Variants in PDE4B observed in about 807,000 individuals in gnomAD.
PDE4B encodes the protein phosphodiesterase 4B, also known as 3',5'-cyclic-AMP phosphodiesterase 4B.
A neutral mutation model predicts 82.2 loss-of-function variants in PDE4B; 20 were observed. The ratio of observed to expected loss-of-function variants is 0.24; its 90% CI spans 0.17 to 0.35. PDE4B has a LOEUF of 0.35. Among genes scored for constraint, PDE4B ranks in the 10% least tolerant of loss-of-function variants. The pLI is 1.00. For synonymous variants in PDE4B, 320 were observed against 318.9 expected (o/e 1.00, Z -0.04); for missense variants, 655 against 907.2 (o/e 0.72, Z 3.57).
chr1:66,070,416 G>A (rs1169618933), intron 3 of PDE4B, among the ~76,000 whole-genome samples: 1 of 151,978 alleles, frequency 6.6e-6, no homozygotes, highest in Admixed American at 6.6e-5. Flanking sequence ...AATGGTAGAG[G>A]GAAAAGTAGA....
chr1:65,893,730 G>A (rs928118684), intron 1 of PDE4B, among the ~76,000 whole-genome samples: 7 of 146,982 alleles, frequency 4.8e-5, no homozygotes, highest in Admixed American at 3.5e-4. Context: ...GCAAAGATAT[G>A]GAATCAACCT....
chr1:66,365,687 G>C lies in PDE4B; in HGVS notation c.1305G>C (p.Glu435Asp). The C allele has an allele frequency of 1.9e-6, 3 of 1,607,232 alleles. No individual in the cohort carries two copies. The highest frequency in any genetic ancestry group is 2.6e-6 in the Non-Finnish European group (3 of 1,174,826). ...PALDAVFTDL[E>D]ILAAIFAAAI... Reference sequence around the variant, plus strand: ...GACAGGCTGTCTTCACAGATTTGGAGATCCTGGCTGCCATTTTTGCAGCTG... The same window carrying C: ...GACAGGCTGTCTTCACAGATTTGGACATCCTGGCTGCCATTTTTGCAGCTG... The change falls in exon 13 of 17, where the codon GAG (glutamate) becomes GAC (aspartate). Residue 435 changes from glutamate to aspartate, a missense_variant. Glu to Asp is a conservative substitution (Grantham distance 45). Around this residue, in one of 3 missense-constraint regions of PDE4B, gnomAD observed 283 missense variants for 516.4 expected, o/e 0.55. Transcript: ENST00000341517.
intron 3 of PDE4B, among the ~76,000 whole-genome samples, chr1:66,164,763 T>C (rs1646693672): frequency 7.3e-6 from 1 of 136,418 alleles, no homozygotes; most frequent in African/African-American, 2.7e-5. Context: ...TTCTTTTTTT[T>C]TTTTTTTTTT....
At chr1:66,136,149 C>G (rs1329098600) in intron 3 of PDE4B, among the ~76,000 whole-genome samples, 6 of 152,140 alleles carry the variant, frequency 3.9e-5, no homozygotes, top group African/African-American at 1.4e-4. Context: ...ACTCACCATG[C>G]AGTTCCACTT....
intron 3 of PDE4B, among the ~76,000 whole-genome samples, chr1:66,012,093 T>G (rs1652517192): frequency 6.6e-6 from 1 of 152,118 alleles, no homozygotes; most frequent in Admixed American, 6.6e-5. Context: ...CCAAGTGATG[T>G]TTTCTGAACT....
intron 1 of PDE4B, among the ~76,000 whole-genome samples, chr1:65,821,459 T>A (rs1055559011): frequency 6.6e-6 from 1 of 152,226 alleles, no homozygotes; most frequent in African/African-American, 2.4e-5. Context: ...ATAATAGCTC[T>A]TAGGGCTAGA....
intron 3 of PDE4B, among the ~76,000 whole-genome samples, chr1:65,985,784 GA>G (rs1316848058): frequency 6.6e-6 from 1 of 152,120 alleles, no homozygotes; most frequent in Middle Eastern, 3.2e-3. Flanking sequence ...TGCCTTCTCA[GA>G]ATGTGCCTTG....
intron 3 of PDE4B, among the ~76,000 whole-genome samples, chr1:66,034,477 C>T (rs1235637200): frequency 6.6e-6 from 1 of 151,998 alleles, no homozygotes; most frequent in Non-Finnish European, 1.5e-5. Flanking sequence ...TGGAATATTC[C>T]TGGGTTTCCT....
At chr1:66,016,994 AAC>A (rs1652815931) in intron 3 of PDE4B, among the ~76,000 whole-genome samples, 1 of 152,206 alleles carries the variant, frequency 6.6e-6, no homozygotes, top group South Asian at 2.1e-4. Context: ...CAGAGAAAAC[AAC>A]AGAGTGTGGG....
intron 1 of PDE4B, among the ~76,000 whole-genome samples, chr1:65,833,409 A>G (rs1646104387): frequency 6.6e-6 from 1 of 152,226 alleles, no homozygotes; most frequent in Admixed American, 6.5e-5. Flanking sequence ...GAACCTCTAA[A>G]GCATAACAAA....
At chr1:66,369,027 G>T in intron 16 of PDE4B, 58 bp downstream of exon 16, 1 of 1,304,594 alleles carries the variant, frequency 7.7e-7, no homozygotes, top group Non-Finnish European at 1.1e-6. Context: ...AGAGCTGGAG[G>T]GTTCTATTTA....
At position 66,015,904 on chromosome 1, in the gene PDE4B, T is replaced by C. The variant is rs180724297; in HGVS notation, c.281+97069T>C. Among the ~76,000 whole-genome samples, 196 of 152,316 alleles carry C rather than the reference T, an allele frequency of 1.3e-3. 5 individuals carry two copies. The highest frequency in any genetic ancestry group is 3.9e-4 in the East Asian group (2 of 5,188). On this transcript the variant is annotated intron_variant, in intron 3 of 16. Transcript: ENST00000341517. ...TATCAATTACTGTTTAAGTATTTAT[T>C]TATTCACTTTTCAAAAACTGCTAAT...
At chr1:66,368,172 C>A in intron 15 of PDE4B, 107 bp downstream of exon 15, 2 of 1,140,840 alleles carry the variant, frequency 1.8e-6, no homozygotes, top group Non-Finnish European at 2.5e-6. Flanking sequence ...ATATCCTAGG[C>A]TACTCCTATA....
At chr1:66,047,294 T>G (rs1557522457) in intron 3 of PDE4B, among the ~76,000 whole-genome samples, 1 of 151,856 alleles carries the variant, frequency 6.6e-6, no homozygotes, top group East Asian at 1.9e-4. Flanking sequence ...ATCTGTTAAA[T>G]AGGGATAAAA....
At chr1:65,869,762 G>A (rs571684849) in intron 1 of PDE4B, among the ~76,000 whole-genome samples, 2 of 149,420 alleles carry the variant, frequency 1.3e-5, no homozygotes, top group Non-Finnish European at 3.0e-5. Context: ...CAGAGTGCTC[G>A]AAAAAGCTGC....
chr1:66,081,237 T>C (rs1247642195), intron 3 of PDE4B, among the ~76,000 whole-genome samples: 2 of 152,108 alleles, frequency 1.3e-5, no homozygotes, highest in Admixed American at 6.6e-5. Flanking sequence ...TTGGCATCAA[T>C]TGAGATTAAT....
chr1:66,097,092 T>C (rs1645133816), intron 3 of PDE4B, among the ~76,000 whole-genome samples: 1 of 152,014 alleles, frequency 6.6e-6, no homozygotes, highest in Admixed American at 6.6e-5. Flanking sequence ...GGACATAGTT[T>C]TTCATTTCTA....
intron 1 of PDE4B, among the ~76,000 whole-genome samples, chr1:65,902,773 A>T (rs1007208284): frequency 9.2e-5 from 14 of 152,324 alleles, no homozygotes; most frequent in Non-Finnish European, 1.3e-4. Context: ...GACTATATGA[A>T]TTCATAAATA....
At chr1:66,195,721 C>A (rs1648243739) in intron 3 of PDE4B, among the ~76,000 whole-genome samples, 2 of 152,190 alleles carry the variant, frequency 1.3e-5, no homozygotes, top group Non-Finnish European at 2.9e-5. Context: ...TTGGTAACTT[C>A]ATTACCTCCT....
Sources: gnomAD v4.1 joint callset for allele counts (sites outside exome capture counted in the v4.1 genomes callset) on GRCh38, gnomAD v4.1.1 for gene constraint, gnomAD v4.1.1 regional missense constraint, MANE v1.5 for transcripts, NCBI Gene and HGNC (gene_info 2026-07-23, HGNC 2026-07-21) for gene names.